Variants in FXYD5 observed in about 807,000 individuals in gnomAD.
FXYD5 encodes the protein FXYD domain-containing ion transport regulator 5.
A neutral mutation model predicts 25.7 loss-of-function variants in FXYD5; 21 were observed. That is an observed-to-expected ratio of 0.82 (90% CI 0.58 to 1.18). The LOEUF is 1.18. Ranked by LOEUF, FXYD5 falls within the 50% of genes most tolerant of loss-of-function variation. The pLI is 0.00. For missense variants in FXYD5, 229 were observed against 227.7 expected, an observed-to-expected ratio of 1.01 and a Z score of -0.04; for synonymous variants, 101 against 90.7, an observed-to-expected ratio of 1.11 and a Z score of -0.64.
chr19:35,159,376 T>C (rs762007630), intron 4 of FXYD5: 2 of 1,235,600 alleles, frequency 1.6e-6, no homozygotes, highest in Non-Finnish European at 2.2e-6. Flanking sequence ...CTGTGTGCTG[T>C]GTTTGTGTGA....
intron 6 of FXYD5, 23 bp from the exon 7 acceptor site, chr19:35,166,119 T>G: frequency 1.2e-6 from 2 of 1,613,010 alleles, no homozygotes; most frequent in Non-Finnish European, 1.7e-6. Flanking sequence ...GAACCCTGAC[T>G]TGCTCTTTGT....
At chr19:35,168,244 C>G (rs2065468075) in intron 8 of FXYD5, among the ~76,000 whole-genome samples, 1 of 152,104 alleles carries the variant, frequency 6.6e-6, no homozygotes, top group Admixed American at 6.5e-5. Context: ...ACAAGCAGCC[C>G]TGGTCCCTGT....
At chr19:35,157,736 A>G in intron 3 of FXYD5, 1 of 398,206 alleles carries the variant, frequency 2.5e-6, no homozygotes, top group South Asian at 2.4e-5. Context: ...GTCTCCTCTC[A>G]TGGGGCCAAG....
At chr19:35,158,425 G>A (rs544832670) in intron 4 of FXYD5, 25 bp downstream of exon 4, 112 of 1,423,890 alleles carry the variant, frequency 7.9e-5, no homozygotes, top group East Asian at 3.4e-4. Context: ...GGCAGGCGGC[G>A]GGGACAGGAC....
chr19:35,161,221 A>ACACACACACACACACACACAC (rs2065401864), intron 5 of FXYD5, among the ~76,000 whole-genome samples: 1 of 38,202 alleles, frequency 2.6e-5, no homozygotes, highest in Non-Finnish European at 5.4e-5. Context: ...ATTCACCTTA[A>ACACACACACACACACACACAC]ACACACACAC....
At chr19:35,168,837 T>C (rs1033164489) in intron 8 of FXYD5, among the ~76,000 whole-genome samples, 1 of 151,994 alleles carries the variant, frequency 6.6e-6, no homozygotes, top group Admixed American at 6.6e-5. Context: ...CTGAGGCAGG[T>C]GGATCCCTTG....
At chr19:35,167,866 G>T (rs1168908802) in intron 8 of FXYD5, among the ~76,000 whole-genome samples, 1 of 152,154 alleles carries the variant, frequency 6.6e-6, no homozygotes, top group African/African-American at 2.4e-5. Context: ...CAGTGGAGAA[G>T]TTAAGGCTCA....
At chr19:35,168,746 C>T (rs929805778) in intron 8 of FXYD5, among the ~76,000 whole-genome samples, 60 of 152,270 alleles carry the variant, frequency 3.9e-4, no homozygotes, top group Admixed American at 3.7e-3. Context: ...GTCTCCCTTA[C>T]GTCCTTCAGA....
In FXYD5 at chr19:35,160,917, TA is replaced by T. The variant is rs373492305; in HGVS notation, c.292+124del. The T allele has an allele frequency of 9.7e-4, 647 of 667,710 alleles. 8 individuals are homozygous for T. In the East Asian group the frequency reaches 0.01, roughly 11 times the overall value. 41.4% of individuals were successfully genotyped at this position (667,710 alleles called of 1,614,324 possible). A position where few individuals can be genotyped will look rare whatever the true frequency, so the allele number is the denominator to read the frequency against. On this transcript the variant is annotated intron_variant, in intron 5 of 8. Transcript: ENST00000392219. ...CTGTTTGGGGAATTGTTAATACATT[TA>T]AAAAAAATGTTTTTGGTTTGTGGTC...
chr19:35,162,714 A>T (rs2065416865), intron 5 of FXYD5, among the ~76,000 whole-genome samples: 5 of 152,202 alleles, frequency 3.3e-5, no homozygotes, highest in Admixed American at 2.0e-4. Context: ...GATAGAATTC[A>T]GTCTATAGTA....
At chr19:35,163,774 C>T (rs1189161014) in intron 5 of FXYD5, among the ~76,000 whole-genome samples, 2 of 152,130 alleles carry the variant, frequency 1.3e-5, no homozygotes, top group Middle Eastern at 3.2e-3. Context: ...TGAGCCACTG[C>T]ACCCAGCCAA....
chr19:35,155,683 T>G, intron 2 of FXYD5, 72 bp downstream of exon 2: 2 of 1,136,510 alleles, frequency 1.8e-6, no homozygotes, highest in Admixed American at 1.7e-5. Flanking sequence ...TGCTGCGGGG[T>G]GGGTGGTTGG....
At chr19:35,164,716 C>T (rs993853187) in intron 6 of FXYD5, among the ~76,000 whole-genome samples, 11 of 152,140 alleles carry the variant, frequency 7.2e-5, no homozygotes, top group African/African-American at 2.7e-4. Context: ...ATAGAGAGCC[C>T]ATTCATCCAT....
intron 5 of FXYD5, among the ~76,000 whole-genome samples, chr19:35,163,239 T>A (rs2065420889): frequency 6.6e-6 from 1 of 152,194 alleles, no homozygotes; most frequent in Non-Finnish European, 1.5e-5. Context: ...TATCTTGTAA[T>A]CCTTGGTTGC....
intron 1 of FXYD5, 151 bp from the exon 2 acceptor site, chr19:35,155,400 C>A (rs1014838891): frequency 5.9e-6 from 4 of 673,462 alleles, no homozygotes; most frequent in Admixed American, 2.1e-5. Flanking sequence ...CCTCCCCTTT[C>A]CCCTGAGGCC....
At position 35,166,079 on chromosome 19, in the gene FXYD5, AT is replaced by A. The variant is rs529296067; in HGVS notation, c.383-61del. On this transcript the variant is annotated intron_variant, in intron 6 of 8. Coordinates refer to ENST00000392219, the MANE Select transcript of FXYD5 (RefSeq NM_014164.6). ...GGTATCCCCCTTTCCTGACTTTGCC[AT>A]TCACGTATTCACTTCACAAACCTTT... 10,002 of 1,527,816 alleles carry A rather than the reference AT, an allele frequency of 6.5e-3. 41 individuals are homozygous for A. Among genetic ancestry groups the A allele is most frequent in the Non-Finnish European group, 8.5e-3 (9,365 of 1,102,964 alleles). 94.6% of individuals were successfully genotyped at this position (1,527,816 alleles called of 1,614,324 possible).
chr19:35,162,783 C>G (rs1240221678), intron 5 of FXYD5, among the ~76,000 whole-genome samples: 1 of 152,186 alleles, frequency 6.6e-6, no homozygotes, highest in Non-Finnish European at 1.5e-5. Context: ...AAGGACCAGA[C>G]TGAGGTCACA....
At chr19:35,159,166 G>C (rs1470274308) in intron 4 of FXYD5, among the ~76,000 whole-genome samples, 1 of 151,042 alleles carries the variant, frequency 6.6e-6, no homozygotes, top group Non-Finnish European at 1.5e-5. Context: ...TTCAATCGAT[G>C]TTTAAAGACA....
intron 4 of FXYD5, chr19:35,159,773 G>T: frequency 8.7e-7 from 1 of 1,149,136 alleles, no homozygotes. Context: ...GGAAACAGAG[G>T]CTGTGAGTAA....
Sources: gnomAD v4.1 joint callset for allele counts (sites outside exome capture counted in the v4.1 genomes callset) on GRCh38, gnomAD v4.1.1 for gene constraint, MANE v1.5 for transcripts, NCBI Gene and HGNC (gene_info 2026-07-23, HGNC 2026-07-21) for gene names.